Variants in PKN3 observed in about 807,000 individuals in gnomAD.
PKN3 encodes the protein protein kinase N3.
PKN3 carries 91 observed loss-of-function variants against 113.1 expected under a neutral mutation model. That is an observed-to-expected ratio of 0.80 (90% CI 0.68 to 0.96). The LOEUF is 0.96. Among genes scored for constraint, PKN3 ranks in the 40% least tolerant of loss-of-function variants. The pLI, the probability that PKN3 is intolerant of heterozygous loss-of-function variation, is 0.00. For synonymous variants in PKN3, 467 were observed against 499.0 expected, an observed-to-expected ratio of 0.94 and a Z score of 0.85; for missense variants, 1,052 against 1,202.2, an observed-to-expected ratio of 0.88 and a Z score of 1.85.
At chr9:128,709,733 C>T (rs1862123781) in intron 6 of PKN3, 1 of 148,462 alleles carries the variant, frequency 6.7e-6, no homozygotes, top group Non-Finnish European at 1.5e-5. Context: ...GCCTGGGCAA[C>T]AAGAGCAAAA....
chr9:128,713,221 G>A, intron 7 of PKN3, 23 bp downstream of exon 7: 2 of 1,609,740 alleles, frequency 1.2e-6, no homozygotes, highest in South Asian at 1.1e-5. Flanking sequence ...GGAGCTTCAG[G>A]GGGAGCAGGA....
intron 6 of PKN3, among the ~76,000 whole-genome samples, chr9:128,712,185 C>T (rs1218458694): frequency 6.6e-6 from 1 of 152,224 alleles, no homozygotes; most frequent in African/African-American, 2.4e-5. Context: ...GTTGGGATTA[C>T]AGGCATGAGC....
chr9:128,709,067 C>T (rs1341429903), intron 6 of PKN3, among the ~76,000 whole-genome samples: 6 of 151,822 alleles, frequency 4.0e-5, no homozygotes, highest in South Asian at 2.1e-4. Flanking sequence ...GGGCGGATCA[C>T]GAGGTCAGGA....
Position 128,719,839 on chromosome 9 carries a change from G to A in PKN3, c.2268+11G>A. The A allele has an allele frequency of 6.2e-7, 1 of 1,603,286 alleles. No individual in the cohort carries two copies. Among genetic ancestry groups the A allele is most frequent in the South Asian group, 1.1e-5 (1 of 90,544 alleles). On this transcript the variant is annotated intron_variant, in intron 19 of 21. Coordinates refer to ENST00000291906, the MANE Select transcript of PKN3 (RefSeq NM_013355.5). ...ATGCTGGTGGGTGAGGTGAGTGCTG[G>A]AGCCTGTTTCCTGGGCCTCTGGGTG...
At chr9:128,717,153 A>C (rs1355388032) in intron 16 of PKN3, among the ~76,000 whole-genome samples, 2 of 8,776 alleles carry the variant, frequency 2.3e-4, no homozygotes, top group Non-Finnish European at 7.8e-4. Flanking sequence ...TGTGAGACAG[A>C]GTCTGGCTCT....
At chr9:128,710,431 A>C (rs1862143294) in intron 6 of PKN3, among the ~76,000 whole-genome samples, 1 of 151,970 alleles carries the variant, frequency 6.6e-6, no homozygotes, top group African/African-American at 2.4e-5. Flanking sequence ...AGAGCTGAGA[A>C]GAGGAAATGC....
At chr9:128,711,568 G>C (rs1862176578) in intron 6 of PKN3, among the ~76,000 whole-genome samples, 1 of 151,884 alleles carries the variant, frequency 6.6e-6, no homozygotes, top group Non-Finnish European at 1.5e-5. Context: ...AAAGTGCTGG[G>C]ATTACAGGTG....
chr9:128,711,354 C>G (rs973678979), intron 6 of PKN3, among the ~76,000 whole-genome samples: 4 of 141,774 alleles, frequency 2.8e-5, no homozygotes, highest in African/African-American at 1.1e-4. Flanking sequence ...TCGCCCAGGC[C>G]GGATTGCAGT....
Position 128,720,615 on chromosome 9 carries a change from C to T in PKN3, c.*9C>T, listed in dbSNP as rs764414552. The T allele has an allele frequency of 6.8e-6, 11 of 1,608,564 alleles. No individual in the cohort carries two copies. The highest frequency in any genetic ancestry group is 2.7e-5 in the African/African-American group (2 of 74,844). The stretch of plus-strand genomic sequence containing the variant: ...GATTCCTGGAACCCTGAGGGCATCT[C>T]CTGGCACCTCTGTCCCCTTCCCCCA... On this transcript the variant is annotated 3_prime_UTR_variant, in exon 22 of 22. Coordinates refer to ENST00000291906, the MANE Select transcript of PKN3 (RefSeq NM_013355.5). This position sits in a 1 kb window ranked among gnomAD's most constrained non-coding sequence, Gnocchi z 5.5.
intron 18 of PKN3, among the ~76,000 whole-genome samples, chr9:128,718,887 T>C (rs1032530463): frequency 3.7e-5 from 1 of 26,964 alleles, no homozygotes; most frequent in Admixed American, 8.1e-4. Flanking sequence ...CTGCCTTCTG[T>C]TTTTTTTTTG....
At position 128,719,998 on chromosome 9, in the gene PKN3, G is replaced by A; in HGVS notation, c.2357G>A (p.Gly786Glu). The part of the protein sequence containing the change: ...APYPGFLSVQ[G>E]LEFIQKLLQK... Reference sequence around the variant, plus strand: ...TACCCCGGCTTTCTGTCGGTGCAAGGGCTTGAGTTCATTCAGAAGGTAAGC... The same window carrying A: ...TACCCCGGCTTTCTGTCGGTGCAAGAGCTTGAGTTCATTCAGAAGGTAAGC... The change falls in exon 20 of 22, where the codon GGG becomes GAG. Residue 786 changes from glycine (G) to glutamate (E), a missense_variant. Physicochemically the swap from Gly to Glu is moderately conservative, Grantham distance 98. Around this residue, in one of 2 missense-constraint regions of PKN3, gnomAD observed 333 missense variants for 442.8 expected, o/e 0.75. Transcript: ENST00000291906. The A allele has an allele frequency of 6.2e-7, 1 of 1,613,966 alleles. No individual in the cohort carries two copies. The highest frequency in any genetic ancestry group is 8.5e-7 in the Non-Finnish European group (1 of 1,179,892).
chr9:128,704,426 T>C (rs1861947400), intron 1 of PKN3, among the ~76,000 whole-genome samples: 1 of 152,178 alleles, frequency 6.6e-6, no homozygotes, highest in African/African-American at 2.4e-5. Flanking sequence ...TGCCTTCTCA[T>C]GTGGCTTCGT....
At position 128,718,313 on chromosome 9, in the gene PKN3, C is replaced by T. The variant is rs187471785; in HGVS notation, c.1986-12C>T. On this transcript the variant is annotated splice_polypyrimidine_tract_variant and intron_variant, in intron 16 of 21. Coordinates refer to ENST00000291906, the MANE Select transcript of PKN3 (RefSeq NM_013355.5). ...GTCTTGGGCCTGAGTTCTCCCATAA[C>T]CACCCCTGCAGCTTCTACGTGGCTT... 3.2e-5 allele frequency: 52 copies of T among 1,613,286 alleles called. No individual in the cohort carries two copies. Among genetic ancestry groups the T allele is most frequent in the Middle Eastern group, 1.7e-4 (1 of 6,020 alleles).
chr9:128,707,840 A>C (rs1233777789), intron 6 of PKN3, among the ~76,000 whole-genome samples: 1 of 152,134 alleles, frequency 6.6e-6, no homozygotes, highest in African/African-American at 2.4e-5. Flanking sequence ...TGGGAGGCTG[A>C]GGTGGGTGGA....
In PKN3 at chr9:128,704,246, G is replaced by C. The variant is rs145006597; in HGVS notation, c.25-1057G>C. Reference sequence around the variant, plus strand: ...TGGCGGCTGGAAAGGAGGTGTTCCTGTTCCTGGCTCCAACCTGGGTGAAGC... The same window carrying C: ...TGGCGGCTGGAAAGGAGGTGTTCCTCTTCCTGGCTCCAACCTGGGTGAAGC... On this transcript the variant is annotated intron_variant, in intron 1 of 21. Coordinates refer to ENST00000291906, the MANE Select transcript of PKN3 (RefSeq NM_013355.5). 786 of 689,768 alleles carry C rather than the reference G, an allele frequency of 1.1e-3. 3 individuals carry two copies. The African/African-American group carries it at 0.012, about 11-fold the overall frequency. The allele number at this position is 689,768 out of a possible 1,614,324, so 42.7% of individuals were successfully genotyped here.
intron 1 of PKN3, among the ~76,000 whole-genome samples, 178 bp from the exon 2 acceptor site, chr9:128,705,125 C>T (rs994013835): frequency 1.3e-5 from 2 of 152,112 alleles, no homozygotes; most frequent in Non-Finnish European, 2.9e-5. Context: ...TGAGTGGCCT[C>T]GGAGTTTCCA....
chr9:128,705,659 G>A (rs1447375020), intron 2 of PKN3, 75 bp from the exon 3 acceptor site: 2 of 1,540,466 alleles, frequency 1.3e-6, no homozygotes, highest in African/African-American at 1.4e-5. Flanking sequence ...AGATCAGTAG[G>A]GGAAGGAGGA....
At chr9:128,713,426 C>G (rs1345357832) in intron 8 of PKN3, 39 bp downstream of exon 8, 1 of 1,612,288 alleles carries the variant, frequency 6.2e-7, no homozygotes, top group Admixed American at 1.7e-5. Context: ...TGACCTTGGG[C>G]TGCGGGGTGG....
At chr9:128,703,692 C>T (rs1467219024) in intron 1 of PKN3, 2 of 985,280 alleles carry the variant, frequency 2.0e-6, no homozygotes, top group East Asian at 1.1e-4. Flanking sequence ...TGTTGGAGTT[C>T]CAACCCAGGG....
Sources: gnomAD v4.1 joint callset for allele counts (sites outside exome capture counted in the v4.1 genomes callset) on GRCh38, gnomAD v4.1.1 for gene constraint, gnomAD v4.1.1 regional missense constraint, Gnocchi (gnomAD v3.1) non-coding constraint, MANE v1.5 for transcripts, NCBI Gene and HGNC (gene_info 2026-07-23, HGNC 2026-07-21) for gene names.